The following CLEC9A variants were observed in gnomAD, a reference collection of about 807,000 sequenced individuals.
CLEC9A encodes the protein C-type lectin domain family 9 member A.
A neutral mutation model predicts 30.0 loss-of-function variants in CLEC9A; 24 were observed. The observed-to-expected ratio is 0.80, with a 90% confidence interval of 0.58 to 1.13. The LOEUF is 1.13. Ranked by LOEUF, CLEC9A falls within the 50% of genes most tolerant of loss-of-function variation. CLEC9A has a pLI of 0.00. For synonymous variants in CLEC9A, 111 were observed against 96.8 expected, an observed-to-expected ratio of 1.15 and a Z score of -0.86; for missense variants, 251 against 280.9, an observed-to-expected ratio of 0.89 and a Z score of 0.76.
At position 10,064,806 on chromosome 12, in the gene CLEC9A, C is replaced by T; in HGVS notation, c.546C>T (p.His182=). 2 of 1,613,572 alleles carry T rather than the reference C, an allele frequency of 1.2e-6. No homozygotes were observed. The highest frequency in any genetic ancestry group is 1.7e-6 in the Non-Finnish European group (2 of 1,179,732). ...GGGTGGGGTTGTCTCAGGATGGACA[C>T]AGCGGACGCTGGCTTTGGCAAGATG... The part of the protein sequence containing the change: ...DYWVGLSQDG[H]SGRWLWQDGS... Residue 182 remains histidine (H), a synonymous_variant, in exon 8 of 9, where the codon CAC becomes CAT. Transcript: ENST00000355819.
intron 1 of CLEC9A, among the ~76,000 whole-genome samples, chr12:10,032,126 C>G (rs1865703144): frequency 2.0e-5 from 3 of 152,188 alleles, no homozygotes; most frequent in African/African-American, 4.8e-5. Flanking sequence ...GGATGTGGAG[C>G]AACAGGAGCA....
At chr12:10,059,021 G>A (rs1295897480) in intron 5 of CLEC9A, among the ~76,000 whole-genome samples, 2 of 151,532 alleles carry the variant, frequency 1.3e-5, no homozygotes, top group Non-Finnish European at 1.5e-5. Context: ...GTTTTTATTT[G>A]TTTTTTTTAA....
chr12:10,043,167 C>T (rs2137300676), intron 2 of CLEC9A: 1 of 382,668 alleles, frequency 2.6e-6, no homozygotes, highest in Admixed American at 3.1e-5. Context: ...TCATTATCAA[C>T]AGCTGTGGAG....
intron 1 of CLEC9A, among the ~76,000 whole-genome samples, chr12:10,031,846 G>C (rs1050674941): frequency 2.6e-5 from 4 of 152,082 alleles, no homozygotes; most frequent in African/African-American, 9.7e-5. Context: ...GCCCGATGCT[G>C]TCAGTGAAGG....
At chr12:10,065,039 C>A (rs1206375779) in intron 8 of CLEC9A, among the ~76,000 whole-genome samples, 186 bp downstream of exon 8, 3 of 152,198 alleles carry the variant, frequency 2.0e-5, no homozygotes, top group Non-Finnish European at 4.4e-5. Context: ...CTCTCCTTCC[C>A]AGCCCTGCTT....
At chr12:10,054,122 C>A (rs772954674) in intron 4 of CLEC9A, 149 bp from the exon 5 acceptor site, 41 of 639,524 alleles carry the variant, frequency 6.4e-5, no homozygotes, top group Non-Finnish European at 1.0e-4. Context: ...TTCTCTTTTT[C>A]CTTTTCTTTT....
intron 4 of CLEC9A, 150 bp downstream of exon 4, chr12:10,052,928 A>C: frequency 1.2e-6 from 1 of 808,088 alleles, no homozygotes; most frequent in Admixed American, 3.1e-5. Context: ...GAAGTGGAGA[A>C]GGATTAAGTA....
Position 10,063,067 on chromosome 12 carries a change from G to A in CLEC9A, c.332G>A (p.Ser111Asn). ...QNSLSSAHNSSPCPNNWIQNR... is the reference protein window; with the variant it reads ...QNSLSSAHNSNPCPNNWIQNR... ...TTTATATTCAAAGCCCATAACAGCA[G>A]TCCTTGTCCAAACAATTGGATTCAG... The change falls in exon 7 of 9, where the codon AGT (serine) becomes AAT (asparagine). Residue 111 changes from serine to asparagine, a missense_variant. Physicochemically the swap from Ser to Asn is conservative, Grantham distance 46 (BLOSUM62 1). Coordinates refer to ENST00000355819, the MANE Select transcript of CLEC9A (RefSeq NM_207345.4). The A allele has an allele frequency of 1.2e-6, 2 of 1,604,232 alleles. No homozygotes were observed. Among genetic ancestry groups the A allele is most frequent in the Non-Finnish European group, 1.7e-6 (2 of 1,177,004 alleles).
intron 2 of CLEC9A, chr12:10,045,539 TC>T: frequency 3.7e-6 from 1 of 271,476 alleles, no homozygotes; most frequent in South Asian, 4.6e-5. Flanking sequence ...ATTTTCATAA[TC>T]AGAAAAGGCA....
At chr12:10,034,761 C>A (rs1036476754) in intron 1 of CLEC9A, among the ~76,000 whole-genome samples, 8 of 152,166 alleles carry the variant, frequency 5.3e-5, no homozygotes, top group African/African-American at 1.7e-4. Context: ...TGTGGGGCTC[C>A]GGCCCCACGG....
chr12:10,064,695 GT>G (rs1159132933), intron 7 of CLEC9A, 36 bp from the exon 8 acceptor site: 4 of 1,561,692 alleles, frequency 2.6e-6, no homozygotes, highest in African/African-American at 2.9e-5. Context: ...TTGTTTGTTT[GT>G]TTTTCTCATT....
At chr12:10,055,236 CTCTA>C (rs1320651167) in intron 5 of CLEC9A, among the ~76,000 whole-genome samples, 1 of 152,168 alleles carries the variant, frequency 6.6e-6, no homozygotes, top group Non-Finnish European at 1.5e-5. Context: ...CTTTCTTTTT[CTCTA>C]TCTACTCTCT....
At position 10,052,026 on chromosome 12, in the gene CLEC9A, C is replaced by T. The variant is rs186748023; in HGVS notation, c.-127C>T. 1.7e-4 allele frequency: 26 copies of T among 152,282 alleles called. No homozygotes were observed. The highest frequency in any genetic ancestry group is 3.6e-4 in the African/African-American group (15 of 41,552). 9.4% of individuals were successfully genotyped at this position (152,282 alleles called of 1,614,324 possible). A position where few individuals can be genotyped will look rare whatever the true frequency, so the allele number is the denominator to read the frequency against. On this transcript the variant is annotated 5_prime_UTR_variant, in exon 3 of 9. In the 5' UTR this introduces an upstream ATG that the reference lacks. Coordinates refer to ENST00000355819, the MANE Select transcript of CLEC9A (RefSeq NM_207345.4). Reference sequence around the variant, plus strand: ...TCAAGGGCTCCAATGTCTCCCAAGACGAAAGAATCCCAAGTCTCATTTGGA... The same window carrying T: ...TCAAGGGCTCCAATGTCTCCCAAGATGAAAGAATCCCAAGTCTCATTTGGA...
chr12:10,064,955 C>A, intron 8 of CLEC9A, 102 bp downstream of exon 8: 1 of 1,376,722 alleles, frequency 7.3e-7, no homozygotes, highest in Non-Finnish European at 9.6e-7. Context: ...GGACAAGCAG[C>A]ATGATAATGT....
At chr12:10,057,008 T>C (rs909829053) in intron 5 of CLEC9A, among the ~76,000 whole-genome samples, 1 of 152,264 alleles carries the variant, frequency 6.6e-6, no homozygotes, top group South Asian at 2.1e-4. Flanking sequence ...TTTATTGTTG[T>C]TGTTTTTAAA....
intron 1 of CLEC9A, among the ~76,000 whole-genome samples, chr12:10,036,545 C>A (rs568828417): frequency 6.6e-6 from 1 of 152,142 alleles, no homozygotes; most frequent in Non-Finnish European, 1.5e-5. Context: ...GTCATAACAC[C>A]CACAGTAGTC....
intron 8 of CLEC9A, among the ~76,000 whole-genome samples, chr12:10,065,100 T>C (rs1003798002): frequency 6.6e-6 from 1 of 152,182 alleles, no homozygotes; most frequent in Non-Finnish European, 1.5e-5. Context: ...TGATGAATAA[T>C]ATAATTATCA....
At chr12:10,054,401 C>G (rs1435531078) in intron 5 of CLEC9A, 50 bp downstream of exon 5, 10 of 1,180,350 alleles carry the variant, frequency 8.5e-6, no homozygotes, top group African/African-American at 1.6e-5. Context: ...ATATATAAAA[C>G]TTCATAATTT....
intron 2 of CLEC9A, among the ~76,000 whole-genome samples, chr12:10,048,983 T>G (rs553352725): frequency 1.3e-5 from 2 of 152,342 alleles, no homozygotes; most frequent in South Asian, 4.1e-4. Flanking sequence ...TGAAATTTAT[T>G]TCTTAAAGAA....
Sources: gnomAD v4.1 joint callset for allele counts (sites outside exome capture counted in the v4.1 genomes callset) on GRCh38, gnomAD v4.1.1 for gene constraint, MANE v1.5 for transcripts, NCBI Gene and HGNC (gene_info 2026-07-23, HGNC 2026-07-21) for gene names.